The following CMIP variants were observed in gnomAD, a reference collection of about 807,000 sequenced individuals.
CMIP encodes C-Maf-inducing protein.
Under a neutral mutation model 97.3 loss-of-function variants are expected in CMIP, and 13 were observed. The observed-to-expected ratio is 0.13, with a 90% CI of 0.09 to 0.21. The LOEUF is 0.21. Ranked by LOEUF, CMIP falls within the 10% of genes least tolerant of loss-of-function variation. The probability of loss-of-function intolerance (pLI) is 1.00; values close to 1 mark genes in which losing one functional copy is unlikely to be tolerated. For missense variants in CMIP, 847 were observed against 1,024.9 expected (o/e 0.83, Z 2.37); for synonymous variants, 538 against 436.3 (o/e 1.23, Z -2.91).
intron 14 of CMIP, 76 bp downstream of exon 14, chr16:81,696,743 C>T (rs776554320): frequency 6.6e-6 from 9 of 1,367,342 alleles, no homozygotes; most frequent in African/African-American, 2.9e-5. Context: ...AAACAGCCGT[C>T]CCCCATCCCC....
rs183703903 is a variant in CMIP, at chr16:81,687,678, G to A, written c.1389-4097G>A. ...GTCATGACTGCAGTCTCTGGGGGCC[G>A]TGTGTGAGTGCTCTGCTGTGTGATA... On this transcript the variant is annotated intron_variant, in intron 10 of 20. Coordinates refer to ENST00000537098, the MANE Select transcript of CMIP (RefSeq NM_198390.3). Among the ~76,000 whole-genome samples, 64 of 152,312 alleles carry A rather than the reference G, an allele frequency of 4.2e-4. No individual in the cohort carries two copies. In the East Asian group the frequency reaches 0.012, roughly 29 times the overall value.
intron 10 of CMIP, among the ~76,000 whole-genome samples, chr16:81,685,026 AG>A (rs2151069042): frequency 6.6e-6 from 1 of 152,294 alleles, no homozygotes; most frequent in East Asian, 1.9e-4. Flanking sequence ...CGTCACAGAG[AG>A]GCCCATGCAC....
intron 1 of CMIP, among the ~76,000 whole-genome samples, chr16:81,530,631 G>T (rs1442148052): frequency 6.6e-6 from 1 of 152,072 alleles, no homozygotes; most frequent in African/African-American, 2.4e-5. Context: ...GCAGAGCAGA[G>T]CCTCTCCCGC....
At chr16:81,592,576 C>G (rs544251394) in intron 1 of CMIP, among the ~76,000 whole-genome samples, 102 of 152,320 alleles carry the variant, frequency 6.7e-4, no homozygotes, top group East Asian at 1.2e-3. Flanking sequence ...ACTTTGCACC[C>G]TCCGCTCACC....
At chr16:81,599,258 A>T (rs903847228) in intron 1 of CMIP, among the ~76,000 whole-genome samples, 9 of 152,154 alleles carry the variant, frequency 5.9e-5, no homozygotes, top group Non-Finnish European at 1.2e-4. Flanking sequence ...ATATTACCTG[A>T]GGGAAACCAG....
chr16:81,456,423 G>A (rs1169123755), intron 1 of CMIP, among the ~76,000 whole-genome samples: 1 of 152,284 alleles, frequency 6.6e-6, no homozygotes, highest in South Asian at 2.1e-4. Flanking sequence ...ATGTCACGAC[G>A]AGTCCCTGGT....
intron 1 of CMIP, among the ~76,000 whole-genome samples, chr16:81,584,767 G>T (rs1480705815): frequency 6.6e-6 from 1 of 152,198 alleles, no homozygotes; most frequent in East Asian, 1.9e-4. Flanking sequence ...GCCTCTGGAG[G>T]AATCCCCTGA....
intron 15 of CMIP, 99 bp downstream of exon 15, chr16:81,699,900 C>T (rs567165301): frequency 4.8e-5 from 38 of 793,864 alleles, no homozygotes; most frequent in East Asian, 4.4e-4. Context: ...GCTGCAGGCA[C>T]GGGGGGCAGT....
Position 81,670,115 on chromosome 16 carries a change from G to C in CMIP, c.826-27G>C, listed in dbSNP as rs759351381. 8.2e-6 allele frequency: 13 copies of C among 1,590,666 alleles called. No homozygotes were observed. The South Asian group carries it at 1.4e-4, about 17-fold the overall frequency. ...CTCCTGCCCTGCCTAGCACCGTCCC[G>C]ACTCCTGTCCTCTGCTGTCTCCACA... is the stretch of plus-strand genomic sequence containing the variant. On this transcript the variant is annotated intron_variant, in intron 7 of 20. Coordinates refer to ENST00000537098, the MANE Select transcript of CMIP (RefSeq NM_198390.3).
intron 3 of CMIP, among the ~76,000 whole-genome samples, chr16:81,646,250 G>A (rs1329088005): frequency 8.3e-6 from 1 of 121,200 alleles, no homozygotes; most frequent in Non-Finnish European, 1.5e-5. Flanking sequence ...GCGGGTGGGT[G>A]GATGGATGGA....
chr16:81,506,525 G>T (rs1337316245), intron 1 of CMIP, among the ~76,000 whole-genome samples: 1 of 152,228 alleles, frequency 6.6e-6, no homozygotes, highest in Non-Finnish European at 1.5e-5. Flanking sequence ...ATTAAAATGG[G>T]TAATGGAAAT....
intron 1 of CMIP, among the ~76,000 whole-genome samples, chr16:81,531,513 G>A (rs1034055831): frequency 6.6e-6 from 1 of 152,204 alleles, no homozygotes; most frequent in African/African-American, 2.4e-5. Flanking sequence ...CCCGTGTTTT[G>A]TTTTTCACAC....
chr16:81,496,143 G>A (rs1432955935), intron 1 of CMIP, among the ~76,000 whole-genome samples: 2 of 152,180 alleles, frequency 1.3e-5, no homozygotes, highest in African/African-American at 4.8e-5. Flanking sequence ...AATGGGACTG[G>A]TCTCCAAGGG....
intron 1 of CMIP, among the ~76,000 whole-genome samples, chr16:81,474,754 C>A (rs1473613162): frequency 6.6e-6 from 1 of 152,246 alleles, no homozygotes; most frequent in Non-Finnish European, 1.5e-5. Context: ...TCTGGTCCTG[C>A]CTCTCCTGCA....
chr16:81,552,818 T>A (rs1172790862), intron 1 of CMIP, among the ~76,000 whole-genome samples: 2 of 152,142 alleles, frequency 1.3e-5, no homozygotes, highest in Non-Finnish European at 2.9e-5. Flanking sequence ...CCTTCCTCCC[T>A]CCCTCTCTCT....
intron 1 of CMIP, among the ~76,000 whole-genome samples, chr16:81,506,792 CTA>C (rs1398488623): frequency 6.6e-5 from 10 of 151,648 alleles, no homozygotes; most frequent in Admixed American, 1.3e-4. Flanking sequence ...ATAGCCCCAG[CTA>C]TTTGGGAGGC....
chr16:81,455,940 AC>A (rs1354764774), intron 1 of CMIP, among the ~76,000 whole-genome samples: 1 of 152,178 alleles, frequency 6.6e-6, no homozygotes, highest in African/African-American at 2.4e-5. Flanking sequence ...CTTGTAGGCG[AC>A]GCAGGAGTGG....
rs752839759 is a variant in CMIP, at chr16:81,490,108, C to T, written c.300+44567C>T. ...CAGAGGCCTGTAGTGTCCCAAGGAGCCTGACATCCCTCAGGGGCTGTAAGA... is the reference window on the plus strand; with the variant it reads ...CAGAGGCCTGTAGTGTCCCAAGGAGTCTGACATCCCTCAGGGGCTGTAAGA... On this transcript the variant is annotated intron_variant, in intron 1 of 20. Transcript: ENST00000537098. Among the ~76,000 whole-genome samples the T allele has an allele frequency of 2.6e-5, 4 of 152,126 alleles. No homozygotes were observed. The South Asian group carries it at 8.3e-4, about 32-fold the overall frequency.
intron 1 of CMIP, among the ~76,000 whole-genome samples, chr16:81,481,848 A>T (rs2089228928): frequency 6.7e-6 from 1 of 150,112 alleles, no homozygotes; most frequent in Non-Finnish European, 1.5e-5. Flanking sequence ...CAGTCTTCAC[A>T]TCTCCTCTGG....
Sources: allele counts gnomAD v4.1 joint callset (sites outside exome capture counted in the v4.1 genomes callset), GRCh38; gene constraint gnomAD v4.1.1; transcripts MANE v1.5; gene names NCBI Gene and HGNC (gene_info 2026-07-23, HGNC 2026-07-21).